Variants in KNDC1 observed in about 807,000 individuals in gnomAD.
KNDC1 encodes kinase non-catalytic C-lobe domain-containing protein 1.
Under a neutral mutation model 172.8 loss-of-function variants are expected in KNDC1, and 106 were observed. That is an observed-to-expected ratio of 0.61 (90% CI 0.52 to 0.72). The LOEUF (loss-of-function observed/expected upper bound fraction) is 0.72, where lower values mean the gene tolerates loss of function less well. KNDC1 is among the 30% of genes least tolerant of loss of function. The pLI, the probability that KNDC1 is intolerant of heterozygous loss-of-function variation, is 0.00. For missense variants in KNDC1, 2,325 were observed against 2,394.5 expected (o/e 0.97, Z 0.61); for synonymous variants, 1,083 against 1,062.2 (o/e 1.02, Z -0.38).
intron 11 of KNDC1, 84 bp downstream of exon 11, chr10:133,197,219 TC>T: frequency 9.3e-7 from 1 of 1,077,202 alleles, no homozygotes; most frequent in Non-Finnish European, 1.4e-6. Flanking sequence ...GCCTGGCCGC[TC>T]CCGGCAGCCC....
intron 28 of KNDC1, 63 bp downstream of exon 28, chr10:133,219,153 C>A: frequency 6.4e-7 from 1 of 1,556,772 alleles, no homozygotes; most frequent in South Asian, 1.2e-5. Context: ...AAACGAACTG[C>A]TGTGCAGAGC....
intron 3 of KNDC1, among the ~76,000 whole-genome samples, chr10:133,168,927 C>A (rs959103590): frequency 6.6e-6 from 1 of 152,236 alleles, no homozygotes; most frequent in Non-Finnish European, 1.5e-5. Flanking sequence ...GCCTTGAGGT[C>A]AGCACCTGTG....
At chr10:133,218,392 CA>C (rs1158218590) in intron 26 of KNDC1, among the ~76,000 whole-genome samples, 1 of 152,236 alleles carries the variant, frequency 6.6e-6, no homozygotes, top group Non-Finnish European at 1.5e-5. Flanking sequence ...GGACTGCACC[CA>C]AACACTCCTG....
At chr10:133,215,972 G>A (rs1001590503) in intron 26 of KNDC1, among the ~76,000 whole-genome samples, 3 of 152,230 alleles carry the variant, frequency 2.0e-5, no homozygotes, top group African/African-American at 4.8e-5. Flanking sequence ...GGACCTCGCC[G>A]GAGACCCACT....
Position 133,189,765 on chromosome 10 carries a change from G to T in KNDC1, c.1527G>T (p.Ser509=), listed in dbSNP as rs141589989. The change falls in exon 9 of 30, where the codon TCG becomes TCT. Residue 509 remains serine, a synonymous_variant. Coordinates refer to ENST00000304613, the MANE Select transcript of KNDC1 (RefSeq NM_152643.8). ...QPPPANGSYD[S]FFLAPELAEE... ...TTTCTCTCTTAGGTTCCTATGACTC[G>T]TTCTTTCTGGCTCCCGAGCTGGCAG... 6 of 1,614,026 alleles carry T rather than the reference G, an allele frequency of 3.7e-6. No individual in the cohort carries two copies. The highest frequency in any genetic ancestry group is 4.2e-6 in the Non-Finnish European group (5 of 1,179,988).
At chr10:133,221,986 T>C (rs1194744195) in intron 29 of KNDC1, among the ~76,000 whole-genome samples, 1 of 149,252 alleles carries the variant, frequency 6.7e-6, no homozygotes, top group Non-Finnish European at 1.5e-5. Flanking sequence ...CACTCACGCC[T>C]GTAACCCTAG....
chr10:133,186,209 C>T lies in KNDC1; in HGVS notation c.861C>T (p.Arg287=), dbSNP rs1282215115. The T allele has an allele frequency of 2.5e-6, 4 of 1,573,484 alleles. No individual in the cohort carries two copies. The East Asian group carries it at 6.8e-5, about 27-fold the overall frequency. Residue 287 remains arginine, a synonymous_variant, in exon 6 of 30, where the codon CGC becomes CGT. Coordinates refer to ENST00000304613, the MANE Select transcript of KNDC1 (RefSeq NM_152643.8). ...GLAGLVLDAE[R]TLGELDRDAL... ...CCGGCCTCGTCCTGGATGCCGAGCG[C>T]ACCCTCGGGGAGCTGGACAGAGACG...
intron 3 of KNDC1, among the ~76,000 whole-genome samples, chr10:133,182,505 A>G (rs989874070): frequency 2.6e-5 from 4 of 152,170 alleles, no homozygotes; most frequent in African/African-American, 9.7e-5. Flanking sequence ...CAGGTTCCTG[A>G]GCCGCTCTGC....
intron 26 of KNDC1, among the ~76,000 whole-genome samples, chr10:133,215,524 G>A (rs1845453482): frequency 6.6e-6 from 1 of 152,390 alleles, no homozygotes; most frequent in East Asian, 1.9e-4. Flanking sequence ...TCTTTCCTCA[G>A]ATCCATGGTT....
At chr10:133,207,481 G>A (rs1845237825) in intron 20 of KNDC1, 130 bp downstream of exon 20, 1 of 878,074 alleles carries the variant, frequency 1.1e-6, no homozygotes, top group Non-Finnish European at 1.8e-6. Context: ...TGTTTAATCG[G>A]GGTTTAGGCC....
At chr10:133,203,697 G>A (rs945735026) in intron 17 of KNDC1, among the ~76,000 whole-genome samples, 3 of 152,228 alleles carry the variant, frequency 2.0e-5, no homozygotes, top group Non-Finnish European at 4.4e-5. Context: ...GACAGCACTG[G>A]TGTGGGTTCC....
intron 5 of KNDC1, among the ~76,000 whole-genome samples, chr10:133,184,471 G>A (rs1249780390): frequency 4.6e-5 from 7 of 152,108 alleles, no homozygotes; most frequent in Admixed American, 3.3e-4. Flanking sequence ...AGTCACACAC[G>A]AGTGTTCAAA....
rs376523082 is a variant in KNDC1, at chr10:133,160,581, G to A, written c.102+12G>A. On this transcript the variant is annotated intron_variant, in intron 1 of 29. Transcript: ENST00000304613. ...TCCCCGAGGACGAGGTGAGCCCCCG[G>A]CCCCACTGGGGGGCCCCTTCCGCCG... The A allele has an allele frequency of 3.9e-5, 60 of 1,547,496 alleles. No homozygotes were observed. The African/African-American group carries it at 7.0e-4, about 18-fold the overall frequency.
chr10:133,171,409 T>A (rs1229501698), intron 3 of KNDC1, among the ~76,000 whole-genome samples: 2 of 152,168 alleles, frequency 1.3e-5, no homozygotes, highest in African/African-American at 4.8e-5. Flanking sequence ...TAGGTGGGGC[T>A]GCAAGTGTGC....
intron 3 of KNDC1, among the ~76,000 whole-genome samples, chr10:133,168,665 TTA>T (rs1202074959): frequency 6.6e-6 from 1 of 152,186 alleles, no homozygotes; most frequent in Non-Finnish European, 1.5e-5. Flanking sequence ...ACTTAACATG[TTA>T]AAAGTGACCA....
Position 133,188,861 on chromosome 10 carries a change from G to A in KNDC1, c.1441+208G>A, listed in dbSNP as rs187208265. On this transcript the variant is annotated intron_variant, in intron 7 of 29. Transcript: ENST00000304613. Reference sequence around the variant, plus strand: ...AGCCAGGACAGTGTCTCCGGTGAACGGAACAGGCGGCTCCCGTCTGGAGCA... The same window carrying A: ...AGCCAGGACAGTGTCTCCGGTGAACAGAACAGGCGGCTCCCGTCTGGAGCA... Among the ~76,000 whole-genome samples, 79 of 151,950 alleles carry A rather than the reference G, an allele frequency of 5.2e-4. 1 individual carries two copies. Among genetic ancestry groups the A allele is most frequent in the Middle Eastern group, 3.4e-3 (1 of 294 alleles).
At chr10:133,164,301 A>G (rs984352221) in intron 1 of KNDC1, 1 of 152,354 alleles carries the variant, frequency 6.6e-6, no homozygotes, top group African/African-American at 2.4e-5. Context: ...TAGGTCATGA[A>G]GAACCCTCTG....
intron 9 of KNDC1, among the ~76,000 whole-genome samples, chr10:133,195,225 C>T (rs778576845): frequency 1.2e-4 from 19 of 152,202 alleles, no homozygotes; most frequent in Non-Finnish European, 2.5e-4. Context: ...GCGGTGTGTT[C>T]GCTCGGAGAG....
Position 133,206,543 on chromosome 10 carries a change from A to T in KNDC1, c.3388-142A>T, listed in dbSNP as rs944998585. 6.8e-6 allele frequency: 5 copies of T among 730,972 alleles called. No individual in the cohort carries two copies. The African/African-American group carries it at 8.8e-5, about 13-fold the overall frequency. 45.3% of individuals were successfully genotyped at this position (730,972 alleles called of 1,614,324 possible). Reference sequence around the variant, plus strand: ...AGGCCGGGGCTGGCCTCGCTGGCTGAGTGGGCCTCTGTCTCCATGGGACCC... The same window carrying T: ...AGGCCGGGGCTGGCCTCGCTGGCTGTGTGGGCCTCTGTCTCCATGGGACCC... On this transcript the variant is annotated intron_variant, in intron 17 of 29. Coordinates refer to ENST00000304613, the MANE Select transcript of KNDC1 (RefSeq NM_152643.8).
Sources: gnomAD v4.1 joint callset for allele counts (sites outside exome capture counted in the v4.1 genomes callset) on GRCh38, gnomAD v4.1.1 for gene constraint, MANE v1.5 for transcripts, NCBI Gene and HGNC (gene_info 2026-07-23, HGNC 2026-07-21) for gene names.